The following TXLNG variants were observed in gnomAD, a reference collection of about 807,000 sequenced individuals.
TXLNG encodes the protein gamma-taxilin.
Under a neutral mutation model 38.8 loss-of-function variants are expected in TXLNG, and 5 were observed. The observed-to-expected ratio is 0.13, with a 90% CI of 0.07 to 0.27. The LOEUF (loss-of-function observed/expected upper bound fraction) is 0.27, where lower values mean the gene tolerates loss of function less well. TXLNG is among the 10% of genes least tolerant of loss of function. The pLI, the probability that TXLNG is intolerant of heterozygous loss-of-function variation, is 1.00. For missense variants in TXLNG, 393 were observed against 398.2 expected (o/e 0.99, Z 0.11); for synonymous variants, 182 against 158.2 (o/e 1.15, Z -1.13).
chrX:16,789,949 C>T (rs1602352243), intron 1 of TXLNG, among the ~76,000 whole-genome samples: 1 of 110,059 alleles, frequency 9.1e-6, no homozygotes, highest in South Asian at 4.0e-4. Context: ...CATGTGCCAC[C>T]ACGCCCGGCT....
At chrX:16,809,532 T>C (rs181306450) in intron 1 of TXLNG, among the ~76,000 whole-genome samples, 173 of 109,345 alleles carry the variant, frequency 1.6e-3, no homozygotes, top group African/African-American at 5.5e-3. Flanking sequence ...TTAGTAGAGA[T>C]GGGGTTTCAC....
At chrX:16,797,464 T>G (rs1426181033) in intron 1 of TXLNG, among the ~76,000 whole-genome samples, 1 of 111,673 alleles carries the variant, frequency 9.0e-6, no homozygotes, top group Non-Finnish European at 1.9e-5. Context: ...ACCTGAAGGC[T>G]TGACTGGGAA....
At chrX:16,832,538 A>G in intron 5 of TXLNG, 85 bp from the exon 6 acceptor site, 3 of 1,141,812 alleles carry the variant, frequency 2.6e-6, no homozygotes, top group Non-Finnish European at 3.6e-6. Flanking sequence ...CAGGGTGAGC[A>G]GGGTGCTGTA....
intron 1 of TXLNG, among the ~76,000 whole-genome samples, chrX:16,793,762 G>C (rs1309656575): frequency 1.8e-5 from 2 of 108,903 alleles, no homozygotes; most frequent in African/African-American, 6.7e-5. Context: ...TCCTGCCTCA[G>C]CCTTCCTAGT....
intron 1 of TXLNG, among the ~76,000 whole-genome samples, chrX:16,808,414 A>G (rs773095181): frequency 8.9e-5 from 10 of 111,860 alleles, no homozygotes; most frequent in Non-Finnish European, 1.9e-4. Context: ...GTTTTTCCAA[A>G]TAAGGCACTA....
intron 1 of TXLNG, 90 bp from the exon 2 acceptor site, chrX:16,818,484 A>T: frequency 9.6e-7 from 1 of 1,042,185 alleles, no homozygotes; most frequent in Non-Finnish European, 1.3e-6. Context: ...AGAAAAAACT[A>T]TCAGGCTATG....
At chrX:16,837,784 CT>C (rs1368884090) in intron 8 of TXLNG, 99 bp downstream of exon 8, 6 of 624,942 alleles carry the variant, frequency 9.6e-6, no homozygotes, top group Non-Finnish European at 1.4e-5. Context: ...TGTTATGATA[CT>C]GTCTTCATTT....
rs189599478 is a variant in TXLNG, at chrX:16,791,674, T to C, written c.102+5085T>C. On this transcript the variant is annotated intron_variant, in intron 1 of 9. Transcript: ENST00000380122. ...AATCTCAGCTCACTGCAACCTCCACTTTCCGGGTTCAAGTGATTCTCCTGC... is the reference window on the plus strand; with the variant it reads ...AATCTCAGCTCACTGCAACCTCCACCTTCCGGGTTCAAGTGATTCTCCTGC... Among the ~76,000 whole-genome samples the C allele has an allele frequency of 3.8e-3, 424 of 111,928 alleles. 2 individuals carry two copies. Among genetic ancestry groups the C allele is most frequent in the African/African-American group, 0.013 (388 of 30,890 alleles).
intron 1 of TXLNG, among the ~76,000 whole-genome samples, chrX:16,786,866 G>T (rs1927508058): frequency 9.0e-6 from 1 of 110,762 alleles, no homozygotes; most frequent in Admixed American, 9.4e-5. Flanking sequence ...GAGAAGGGGT[G>T]CGAGGCGGGG....
chrX:16,803,951 CA>C (rs1270931132), intron 1 of TXLNG, among the ~76,000 whole-genome samples: 1 of 104,932 alleles, frequency 9.5e-6, no homozygotes. Context: ...GACTCTGTCT[CA>C]AAAAAAAAGA....
At chrX:16,809,046 T>A (rs1016949972) in intron 1 of TXLNG, among the ~76,000 whole-genome samples, 3 of 112,053 alleles carry the variant, frequency 2.7e-5, no homozygotes, top group Non-Finnish European at 3.8e-5. Context: ...TTACTCTGGT[T>A]GCTTTTTCAG....
chrX:16,834,341 T>G lies in TXLNG; in HGVS notation c.1043T>G (p.Val348Gly). The change falls in exon 7 of 10, where the codon GTA (valine) becomes GGA (glycine). Residue 348 changes from valine (V) to glycine (G), a missense_variant. By Grantham distance (109) the Val-to-Gly change is moderately radical. Transcript: ENST00000380122. ...HKYEQMKQQEVQLKQQLSLYM... is the reference protein window; with the variant it reads ...HKYEQMKQQEGQLKQQLSLYM... ...TACGAACAAATGAAACAGCAAGAAG[T>G]ACAACTAAAACAGCAGGTAACTTCA... 5 of 1,208,534 alleles carry G rather than the reference T, an allele frequency of 4.1e-6. No individual in the cohort carries two copies. Among genetic ancestry groups the G allele is most frequent in the South Asian group, 1.8e-5 (1 of 56,232 alleles).
rs1929950486 is a variant in TXLNG, at chrX:16,843,527, T to A, written c.*1761T>A. On this transcript the variant is annotated 3_prime_UTR_variant, in exon 10 of 10. Transcript: ENST00000380122. ...TCTGCTACTAAAATACTAGACTCAT[T>A]TCCCTGGTGGTGGGGGGGAATGCAG... The A allele has an allele frequency of 8.9e-6, 1 of 112,263 alleles. No individual in the cohort carries two copies. The highest frequency in any genetic ancestry group is 1.9e-5 in the Non-Finnish European group (1 of 53,255). 9.3% of individuals were successfully genotyped at this position (112,263 alleles called of 1,213,427 possible). A position where few individuals can be genotyped will look rare whatever the true frequency, so the allele number is the denominator to read the frequency against.
At chrX:16,823,011 A>G (rs745395834) in intron 3 of TXLNG, among the ~76,000 whole-genome samples, 2 of 111,818 alleles carry the variant, frequency 1.8e-5, no homozygotes, top group African/African-American at 6.5e-5. Context: ...GCTAAGCACC[A>G]GCAGTAATGA....
intron 1 of TXLNG, among the ~76,000 whole-genome samples, chrX:16,811,606 C>T (rs1487443539): frequency 1.8e-5 from 2 of 108,263 alleles, no homozygotes; most frequent in Non-Finnish European, 3.8e-5. Context: ...CCTCGGCCTC[C>T]CAAAGTGCTG....
rs750701462 is a variant in TXLNG at position 16,809,803 on chromosome X, C to G, written c.103-8771C>G. ...ATGTATGTTGAGCAGCATCTGTATA[C>G]ATATATATAGTGCGTATACAAAATA... On this transcript the variant is annotated intron_variant, in intron 1 of 9. Transcript: ENST00000380122. Among the ~76,000 whole-genome samples the G allele has an allele frequency of 3.6e-5, 4 of 111,726 alleles. No homozygotes were observed. In the South Asian group the frequency reaches 1.5e-3, roughly 41 times the overall value.
At position 16,841,557 on chromosome X, in the gene TXLNG, T is replaced by TCCATCAAAGCGG. The variant is rs751282148; in HGVS notation, c.1392_1403dup (p.Ile465_Ala468dup). The TCCATCAAAGCGG allele has an allele frequency of 1.2e-5, 15 of 1,209,862 alleles. No individual in the cohort carries two copies. The Admixed American group carries it at 2.8e-4, about 23-fold the overall frequency. On this transcript the variant is annotated inframe_insertion, in exon 10 of 10. Transcript: ENST00000380122. ...GGTGGAAGTCCTGAAAGAGCAGGTA[T>TCCATCAAAGCGG]CCATCAAAGCGGCCATCAAAGCGGC...
chrX:16,824,371 A>G (rs1929094085), intron 3 of TXLNG, among the ~76,000 whole-genome samples: 1 of 111,793 alleles, frequency 8.9e-6, no homozygotes, highest in African/African-American at 3.2e-5. Flanking sequence ...TATCCTTTTG[A>G]GGAAAAAGTA....
At chrX:16,814,472 G>A (rs1004102615) in intron 1 of TXLNG, among the ~76,000 whole-genome samples, 2 of 111,568 alleles carry the variant, frequency 1.8e-5, no homozygotes, top group Non-Finnish European at 3.8e-5. Context: ...AAAATTAGCC[G>A]GGCATGGTTG....
Sources: allele counts gnomAD v4.1 joint callset (sites outside exome capture counted in the v4.1 genomes callset), GRCh38; gene constraint gnomAD v4.1.1; transcripts MANE v1.5; gene names NCBI Gene and HGNC (gene_info 2026-07-23, HGNC 2026-07-21).